Variants in FANCI observed in about 807,000 individuals in gnomAD.
The protein encoded by FANCI is Fanconi anemia group I protein.
In FANCI, 156 loss-of-function variants were observed where a neutral mutation model predicts 176.1. The ratio of observed to expected loss-of-function variants is 0.89; its 90% CI spans 0.78 to 1.01. The LOEUF is 1.01. Ranked by LOEUF, FANCI falls within the 50% of genes least tolerant of loss-of-function variation. The probability of loss-of-function intolerance (pLI) is 0.00; values close to 1 mark genes in which losing one functional copy is unlikely to be tolerated. For missense variants in FANCI, 1,678 were observed against 1,534.1 expected (o/e 1.09, Z -1.57); for synonymous variants, 613 against 541.7 (o/e 1.13, Z -1.83).
chr15:89,296,971 A>ACCCC (rs575310390), intron 24 of FANCI, among the ~76,000 whole-genome samples: 1 of 96,850 alleles, frequency 1.0e-5, no homozygotes, highest in African/African-American at 4.1e-5. Flanking sequence ...CGGGGGGCTG[A>ACCCC]CCCCCCCCAC....
intron 9 of FANCI, among the ~76,000 whole-genome samples, chr15:89,266,683 A>G (rs961380140): frequency 4.6e-5 from 7 of 151,298 alleles, no homozygotes; most frequent in Non-Finnish European, 8.9e-5. Flanking sequence ...TGTGTTGCCC[A>G]GGCTGGTCTT....
intron 2 of FANCI, among the ~76,000 whole-genome samples, chr15:89,252,509 G>A (rs1434448820): frequency 3.3e-5 from 5 of 152,004 alleles, no homozygotes; most frequent in Non-Finnish European, 7.4e-5. Flanking sequence ...GGAGGCCAAG[G>A]CAGGCGGATC....
chr15:89,295,182 T>C (rs1158308888), intron 24 of FANCI, 88 bp downstream of exon 24: 6 of 1,424,868 alleles, frequency 4.2e-6, no homozygotes, highest in Non-Finnish European at 5.7e-6. Flanking sequence ...TGAAGGTAAT[T>C]TGAGGTTGGA....
intron 24 of FANCI, among the ~76,000 whole-genome samples, chr15:89,297,784 G>GGGAGGC (rs2054363824): frequency 6.7e-6 from 1 of 149,792 alleles, no homozygotes; most frequent in Non-Finnish European, 1.5e-5. Context: ...GAGGGGGAGG[G>GGGAGGC]GGAGGGGGCT....
chr15:89,306,246 A>G (rs1242421534), intron 32 of FANCI, 52 bp downstream of exon 32: 14 of 1,574,800 alleles, frequency 8.9e-6, no homozygotes, highest in Non-Finnish European at 1.0e-5. Flanking sequence ...CCAGTGAGCC[A>G]GGAGATGAGG....
At chr15:89,248,226 T>G (rs1043113888) in intron 2 of FANCI, among the ~76,000 whole-genome samples, 1 of 152,232 alleles carries the variant, frequency 6.6e-6, no homozygotes, top group African/African-American at 2.4e-5. Flanking sequence ...TTGCCTTATA[T>G]GTTAGGCTGT....
At position 89,263,790 on chromosome 15, in the gene FANCI, C is replaced by A. The variant is rs1255298473; in HGVS notation, c.546-113C>A. 5 of 1,286,926 alleles carry A rather than the reference C, an allele frequency of 3.9e-6. No individual in the cohort carries two copies. The Admixed American group carries it at 7.8e-5, about 20-fold the overall frequency. 79.7% of individuals were successfully genotyped at this position (1,286,926 alleles called of 1,614,324 possible). ...TCTTTAATTCTCTGCTCCCAAGTTT[C>A]ATTTCTTAAAATATGTTTAATGGAA... On this transcript the variant is annotated intron_variant, in intron 7 of 37. Transcript: ENST00000310775.
At chr15:89,245,016 G>A (rs568896304) in intron 1 of FANCI, among the ~76,000 whole-genome samples, 2 of 152,084 alleles carry the variant, frequency 1.3e-5, no homozygotes, top group South Asian at 4.1e-4. Flanking sequence ...TGTCCTTAGG[G>A]GACTTATAGT....
At chr15:89,296,640 C>A (rs2054286550) in intron 24 of FANCI, among the ~76,000 whole-genome samples, 1 of 152,198 alleles carries the variant, frequency 6.6e-6, no homozygotes, top group African/African-American at 2.4e-5. Context: ...ATCTTTTCCC[C>A]ACCTTTCCCC....
intron 1 of FANCI, among the ~76,000 whole-genome samples, chr15:89,246,800 C>G (rs1365543011): frequency 5.1e-5 from 7 of 136,952 alleles, no homozygotes; most frequent in Admixed American, 3.8e-4. Context: ...GAGCCTCGCT[C>G]TGTCGCCCAG....
chr15:89,306,953 C>G (rs2054745557), intron 32 of FANCI, among the ~76,000 whole-genome samples: 1 of 152,124 alleles, frequency 6.6e-6, no homozygotes, highest in Non-Finnish European at 1.5e-5. Flanking sequence ...AGATCAAATA[C>G]TAAGGTGGGG....
intron 14 of FANCI, among the ~76,000 whole-genome samples, chr15:89,280,720 A>G (rs1567156684): frequency 2.6e-5 from 4 of 152,152 alleles, no homozygotes. Flanking sequence ...TCTGTGATTT[A>G]CCTCTTTAAT....
chr15:89,292,634 A>T, intron 20 of FANCI, 54 bp from the exon 21 acceptor site: 16 of 1,546,634 alleles, frequency 1.0e-5, no homozygotes, highest in Non-Finnish European at 1.4e-5. Flanking sequence ...GAACAACTTT[A>T]TAAGTTATCC....
chr15:89,249,627 TG>T (rs1305047695), intron 2 of FANCI, among the ~76,000 whole-genome samples: 1 of 152,180 alleles, frequency 6.6e-6, no homozygotes, highest in Non-Finnish European at 1.5e-5. Flanking sequence ...GGATTACACG[TG>T]TGAGCCACTC....
chr15:89,246,770 T>C (rs1321488754), intron 1 of FANCI, among the ~76,000 whole-genome samples: 3 of 142,098 alleles, frequency 2.1e-5, no homozygotes, highest in African/African-American at 7.8e-5. Context: ...TTTCTTTTTT[T>C]TTTTTTTTTT....
intron 24 of FANCI, among the ~76,000 whole-genome samples, chr15:89,298,676 G>A (rs1217973495): frequency 6.6e-6 from 1 of 152,154 alleles, no homozygotes; most frequent in African/African-American, 2.4e-5. Flanking sequence ...GGTTCTTTGA[G>A]AAGATCAATA....
intron 2 of FANCI, among the ~76,000 whole-genome samples, chr15:89,256,800 T>C (rs1362476287): frequency 6.6e-6 from 1 of 152,220 alleles, no homozygotes; most frequent in African/African-American, 2.4e-5. Flanking sequence ...CAGGGTGATT[T>C]AGATGCTTCC....
chr15:89,258,270 T>C (rs991970871), intron 2 of FANCI, among the ~76,000 whole-genome samples: 2 of 152,208 alleles, frequency 1.3e-5, no homozygotes, highest in African/African-American at 2.4e-5. Context: ...AGAGGAAATT[T>C]CCTTCCTTTC....
At chr15:89,257,294 A>G (rs181557732) in intron 2 of FANCI, among the ~76,000 whole-genome samples, 1 of 152,278 alleles carries the variant, frequency 6.6e-6, no homozygotes, top group Admixed American at 6.5e-5. Flanking sequence ...TCTTAGATCT[A>G]TCTACTTTTC....
Sources: allele counts gnomAD v4.1 joint callset (sites outside exome capture counted in the v4.1 genomes callset), GRCh38; gene constraint gnomAD v4.1.1; transcripts MANE v1.5; gene names NCBI Gene and HGNC (gene_info 2026-07-23, HGNC 2026-07-21).